The following CLASP1 variants were observed in gnomAD, a reference collection of about 807,000 sequenced individuals.
The protein encoded by CLASP1 is CLIP-associating protein 1.
A neutral mutation model predicts 192.3 loss-of-function variants in CLASP1; 38 were observed. The ratio of observed to expected loss-of-function variants is 0.20; its 90% confidence interval spans 0.15 to 0.26. CLASP1 has a LOEUF of 0.26. CLASP1 is among the 10% of genes least tolerant of loss of function. The pLI is 1.00. For synonymous variants in CLASP1, 691 were observed against 712.8 expected, an observed-to-expected ratio of 0.97 and a Z score of 0.49; for missense variants, 1,433 against 1,932.5, an observed-to-expected ratio of 0.74 and a Z score of 4.85.
chr2:121,340,068 A>C (rs549646738), exon 40 of CLASP1: 59 of 152,356 alleles, frequency 3.9e-4, no homozygotes, highest in African/African-American at 1.4e-3. Context: ...TCTGTGCTTC[A>C]TGAACTGCCA....
chr2:121,575,695 A>G (rs1423679069), intron 2 of CLASP1, among the ~76,000 whole-genome samples: 3 of 152,242 alleles, frequency 2.0e-5, no homozygotes, highest in Non-Finnish European at 1.5e-5. Flanking sequence ...TCACAACTCA[A>G]TATAAAAACA....
rs1262576368 is a variant in CLASP1, at chr2:121,462,528, T to C, written c.939+4A>G. ...TGTAATCATACTCAAATATCCTCACTGACCTGTACTACAGGTACATCATCA... is the reference window on the plus strand; with the variant it reads ...TGTAATCATACTCAAATATCCTCACCGACCTGTACTACAGGTACATCATCA... On this transcript the variant is annotated splice_donor_region_variant and intron_variant, in intron 10 of 39. Coordinates refer to ENST00000263710, the Ensembl canonical transcript of CLASP1. The C allele has an allele frequency of 1.3e-6, 2 of 1,500,212 alleles. No individual in the cohort carries two copies. Among genetic ancestry groups the C allele is most frequent in the South Asian group, 2.3e-5 (2 of 86,730 alleles). 92.9% of individuals were successfully genotyped at this position (1,500,212 alleles called of 1,614,324 possible). A position where few individuals can be genotyped will look rare whatever the true frequency, so the allele number is the denominator to read the frequency against.
chr2:121,510,663 T>C (rs190087883), intron 7 of CLASP1, among the ~76,000 whole-genome samples: 1 of 151,978 alleles, frequency 6.6e-6, no homozygotes, highest in East Asian at 1.9e-4. Flanking sequence ...CCGCGCATGG[T>C]AGCATGCGCC....
At chr2:121,509,604 G>A (rs1029958829) in intron 7 of CLASP1, among the ~76,000 whole-genome samples, 19 of 152,206 alleles carry the variant, frequency 1.2e-4, no homozygotes, top group Non-Finnish European at 1.8e-4. Flanking sequence ...TGGGGACGCT[G>A]AGGCAGGTGG....
intron 2 of CLASP1, among the ~76,000 whole-genome samples, chr2:121,553,573 C>T (rs142589985): frequency 2.0e-5 from 3 of 152,004 alleles, no homozygotes; most frequent in African/African-American, 4.8e-5. Context: ...TGGTGGCAGG[C>T]GCCTGTAGTC....
intron 1 of CLASP1, among the ~76,000 whole-genome samples, chr2:121,639,435 C>A (rs2071588120): frequency 1.3e-5 from 2 of 152,114 alleles, no homozygotes; most frequent in South Asian, 4.1e-4. Context: ...TGCTGGGAGA[C>A]AGAGGAATGG....
chr2:121,530,892 C>T lies in CLASP1; in HGVS notation c.196-567G>A, dbSNP rs559979281. On this transcript the variant is annotated intron_variant, in intron 2 of 39. Transcript: ENST00000263710. Reference sequence around the variant, plus strand: ...GACTTTCTATTATAACCATCCTTTTCTTGGGGTTGCGCTACTGTCCAATGA... The same window carrying T: ...GACTTTCTATTATAACCATCCTTTTTTTGGGGTTGCGCTACTGTCCAATGA... 5.0e-4 allele frequency: 345 copies of T among 693,814 alleles called. No individual in the cohort carries two copies. The highest frequency in any genetic ancestry group is 6.7e-4 in the Non-Finnish European group (253 of 379,610). The allele number at this position is 693,814 out of a possible 1,614,324, so 43.0% of individuals were successfully genotyped here.
intron 1 of CLASP1, among the ~76,000 whole-genome samples, chr2:121,631,996 G>A (rs142722786): frequency 0.014 from 2,072 of 152,018 alleles, 42 homozygotes; most frequent in African/African-American, 0.046. Context: ...GTAGTGAGCC[G>A]AGATCACGCC....
At chr2:121,554,447 C>T (rs992234137) in intron 2 of CLASP1, among the ~76,000 whole-genome samples, 2 of 56,042 alleles carry the variant, frequency 3.6e-5, no homozygotes, top group Non-Finnish European at 5.7e-5. Context: ...CCTGCCTCTA[C>T]AAAAAGTAAA....
intron 8 of CLASP1, among the ~76,000 whole-genome samples, chr2:121,493,305 C>T (rs2093397581): frequency 1.3e-5 from 2 of 152,088 alleles, no homozygotes; most frequent in African/African-American, 4.8e-5. Flanking sequence ...ACACACAGAC[C>T]AATGGAACAG....
chr2:121,620,539 G>A lies in CLASP1; in HGVS notation c.-285-14359C>T, dbSNP rs572749060. On this transcript the variant is annotated intron_variant, in intron 1 of 39. Transcript: ENST00000263710. Reference sequence around the variant, plus strand: ...TAAATTTTGTATTTTTAGTAGAGACGGGGTTTCACCATATTGGCCAGGATG... The same window carrying A: ...TAAATTTTGTATTTTTAGTAGAGACAGGGTTTCACCATATTGGCCAGGATG... 3.3e-5 allele frequency among the ~76,000 whole-genome samples: 5 copies of A among 152,102 alleles called. No individual in the cohort carries two copies. The East Asian group carries it at 5.9e-4, about 18-fold the overall frequency.
intron 1 of CLASP1, among the ~76,000 whole-genome samples, chr2:121,621,208 G>A (rs1410826784): frequency 6.6e-6 from 1 of 151,858 alleles, no homozygotes; most frequent in Non-Finnish European, 1.5e-5. Flanking sequence ...GCGACAGAGT[G>A]AGAACCTGTA....
At chr2:121,566,787 A>G (rs116703847) in intron 2 of CLASP1, among the ~76,000 whole-genome samples, 2,627 of 152,212 alleles carry the variant, frequency 0.017, 39 homozygotes, top group Middle Eastern at 0.031. Flanking sequence ...CCACTGGACT[A>G]TTTTCTAGGA....
rs143855407 is a variant in CLASP1 at position 121,451,907 on chromosome 2, C to T, written c.1386-58G>A. ...ATACATATTTTAGTGAAAATGAAAA[C>T]GGCATTTTTCTTAAGTGACCCAATA... On this transcript the variant is annotated intron_variant, in intron 14 of 39. Coordinates refer to ENST00000263710, the Ensembl canonical transcript of CLASP1. The T allele has an allele frequency of 6.4e-5, 79 of 1,242,576 alleles. No homozygotes were observed. The African/African-American group carries it at 7.9e-4, about 12-fold the overall frequency. 77.0% of individuals were successfully genotyped at this position (1,242,576 alleles called of 1,614,324 possible).
intron 30 of CLASP1, among the ~76,000 whole-genome samples, chr2:121,394,094 G>A (rs770000419): frequency 6.6e-6 from 1 of 152,068 alleles, no homozygotes; most frequent in Admixed American, 6.5e-5. Context: ...TCCCCATAAC[G>A]TATTACACCC....
intron 1 of CLASP1, among the ~76,000 whole-genome samples, chr2:121,625,537 C>A (rs1266120728): frequency 6.7e-6 from 1 of 148,436 alleles, no homozygotes; most frequent in Admixed American, 6.9e-5. Flanking sequence ...CAGGTTCAAG[C>A]GATTCTCCTG....
chr2:121,401,642 C>T (rs752328318), exon 28 of CLASP1: 1 of 1,611,422 alleles, frequency 6.2e-7, no homozygotes, highest in African/African-American at 1.3e-5. Flanking sequence ...ATTATAAAAT[C>T]CACAAGAGTC....
intron 8 of CLASP1, among the ~76,000 whole-genome samples, chr2:121,479,033 CCACACACACACACACCCCCCCCCCA>C (rs2092347474): frequency 1.7e-5 from 1 of 59,016 alleles, no homozygotes; most frequent in African/African-American, 8.5e-5. Context: ...CACACACACC[CCACACACACACACACCCCCCCCCCA>C]CACACACACA....
chr2:121,448,384 C>G, intron 17 of CLASP1, 59 bp from the exon 18 acceptor site: 2 of 1,315,058 alleles, frequency 1.5e-6, no homozygotes, highest in Non-Finnish European at 2.2e-6. Flanking sequence ...AATACAAATA[C>G]AAACTACAAC....
Sources: gnomAD v4.1 joint callset for allele counts (sites outside exome capture counted in the v4.1 genomes callset) on GRCh38, gnomAD v4.1.1 for gene constraint, MANE v1.5 for transcripts, NCBI Gene and HGNC (gene_info 2026-07-23, HGNC 2026-07-21) for gene names.